WEE2: variants seen among roughly 807,000 people sequenced by gnomAD.
WEE2 encodes the protein wee1-like protein kinase 2.
Under a neutral mutation model 60.1 loss-of-function variants are expected in WEE2, and 50 were observed. The observed-to-expected ratio is 0.83, with a 90% CI of 0.66 to 1.05. The LOEUF (loss-of-function observed/expected upper bound fraction) is 1.05. Ranked by LOEUF, WEE2 falls within the 50% of genes least tolerant of loss-of-function variation. The probability of loss-of-function intolerance (pLI) is 0.00; values close to 1 mark genes in which losing one functional copy is unlikely to be tolerated. For missense variants in WEE2, 631 were observed against 684.3 expected (o/e 0.92, Z 0.87); for synonymous variants, 240 against 241.0 (o/e 1.00, Z 0.04).
intron 1 of WEE2, among the ~76,000 whole-genome samples, chr7:141,712,900 A>C (rs1798731766): frequency 6.6e-6 from 1 of 152,202 alleles, no homozygotes; most frequent in South Asian, 2.1e-4. Context: ...CACATTGATA[A>C]CTGAGAAATA....
chr7:141,713,169 T>G (rs754534798), intron 1 of WEE2, among the ~76,000 whole-genome samples: 1 of 152,224 alleles, frequency 6.6e-6, no homozygotes, highest in Non-Finnish European at 1.5e-5. Flanking sequence ...TTACAATAGA[T>G]CCAATATTCA....
At chr7:141,717,429 C>T (rs1798825634) in intron 3 of WEE2, among the ~76,000 whole-genome samples, 1 of 152,140 alleles carries the variant, frequency 6.6e-6, no homozygotes, top group African/African-American at 2.4e-5. Context: ...TTATTCCTCA[C>T]TTATTTTATA....
chr7:141,724,223 C>T lies in WEE2; in HGVS notation c.1169C>T (p.Pro390Leu), dbSNP rs778903115. 1 of 1,613,424 alleles carries T rather than the reference C, an allele frequency of 6.2e-7. No homozygotes were observed. The highest frequency in any genetic ancestry group is 8.5e-7 in the Non-Finnish European group (1 of 1,179,828). The change falls in exon 8 of 12, where the codon CCC (proline) becomes CTC (leucine). Residue 390 changes from proline to leucine, a missense_variant. Physicochemically the swap from Pro to Leu is moderately conservative, Grantham distance 98 (BLOSUM62 -3). Transcript: ENST00000397541. ...DLGHATSINK[P>L]KVEEGDSRFL... ...GGCCACGCAACATCAATAAACAAAC[C>T]CAAAGTGGAAGAAGGAGATAGTCGC...
chr7:141,729,567 G>C lies in WEE2; in HGVS notation c.1572G>C (p.Gln524His). Residue 524 changes from glutamine (Q) to histidine (H), a missense_variant, in exon 11 of 12, where the codon CAG becomes CAC. Transcript: ENST00000397541. ...LREAQQAQSP[Q>H]GYTHHGDTGV... ...AAGCCCAGCAGGCCCAGTCACCCCAGGGATATACCCATCATGGTGACACTG... is the reference window on the plus strand; with the variant it reads ...AAGCCCAGCAGGCCCAGTCACCCCACGGATATACCCATCATGGTGACACTG... 1 of 1,614,202 alleles carries C rather than the reference G, an allele frequency of 6.2e-7. No individual in the cohort carries two copies. Among genetic ancestry groups the C allele is most frequent in the East Asian group, 2.2e-5 (1 of 44,872 alleles).
At chr7:141,719,439 C>T (rs919316349) in intron 4 of WEE2, among the ~76,000 whole-genome samples, 195 bp downstream of exon 4, 2 of 152,124 alleles carry the variant, frequency 1.3e-5, no homozygotes, top group South Asian at 2.1e-4. Context: ...TAAAATACAA[C>T]ACGATCATTT....
rs1016084646 is a variant in WEE2, at chr7:141,717,798, G to A, written c.586-1274G>A. 3.3e-5 allele frequency among the ~76,000 whole-genome samples: 5 copies of A among 152,308 alleles called. No individual in the cohort carries two copies. The South Asian group carries it at 6.2e-4, about 19-fold the overall frequency. ...AATGCTATCAAGGCAGGAGAACAGA[G>A]TTCAGGTGTAAGAGGGGTATGGTGG... is the stretch of plus-strand genomic sequence containing the variant. On this transcript the variant is annotated intron_variant, in intron 3 of 11. Coordinates refer to ENST00000397541, the MANE Select transcript of WEE2 (RefSeq NM_001105558.1).
intron 7 of WEE2, 44 bp downstream of exon 7, chr7:141,724,092 A>G: frequency 6.3e-7 from 1 of 1,575,962 alleles, no homozygotes; most frequent in Non-Finnish European, 8.7e-7. Context: ...TATCCTATAA[A>G]ATTTATAGTG....
intron 9 of WEE2, among the ~76,000 whole-genome samples, chr7:141,726,430 A>G (rs1799019975): frequency 6.6e-6 from 1 of 152,096 alleles, no homozygotes; most frequent in Non-Finnish European, 1.5e-5. Context: ...CAGGTGTGGG[A>G]GATTAGTTTC....
At chr7:141,725,318 T>A in intron 9 of WEE2, 122 bp downstream of exon 9, 1 of 1,167,856 alleles carries the variant, frequency 8.6e-7, no homozygotes, top group Non-Finnish European at 1.2e-6. Context: ...GGAACGTGAC[T>A]AGAAGTCCAG....
chr7:141,727,701 G>T lies in WEE2; in HGVS notation c.1535+255G>T, dbSNP rs189500407. 7.2e-4 allele frequency: 306 copies of T among 426,598 alleles called. 2 individuals are homozygous for T. The highest frequency in any genetic ancestry group is 5.5e-3 in the African/African-American group (275 of 50,142). 26.4% of individuals were successfully genotyped at this position (426,598 alleles called of 1,614,324 possible). A position where few individuals can be genotyped will look rare whatever the true frequency, so the allele number is the denominator to read the frequency against. On this transcript the variant is annotated intron_variant, in intron 10 of 11. Transcript: ENST00000397541. ...AGGAAGCAAGAGTGAGGAATATAAG[G>T]AAATACCAGTAAAGAAAACTTAGGA... is the stretch of plus-strand genomic sequence containing the variant.
chr7:141,725,288 T>C lies in WEE2; in HGVS notation c.1392+92T>C, dbSNP rs1001492527. The C allele has an allele frequency of 2.0e-5, 27 of 1,383,128 alleles. No individual in the cohort carries two copies. The Admixed American group carries it at 3.4e-4, about 18-fold the overall frequency. 85.7% of individuals were successfully genotyped at this position (1,383,128 alleles called of 1,614,324 possible). A position where few individuals can be genotyped will look rare whatever the true frequency, so the allele number is the denominator to read the frequency against. On this transcript the variant is annotated intron_variant, in intron 9 of 11. Coordinates refer to ENST00000397541, the MANE Select transcript of WEE2 (RefSeq NM_001105558.1). ...GGGCAAAGAAAAATGGAGATGCTAG[T>C]AGTGTCACTAACAGAAAAAGGAACG...
intron 6 of WEE2, 153 bp from the exon 7 acceptor site, chr7:141,723,788 T>C: frequency 1.8e-6 from 1 of 568,916 alleles, no homozygotes; most frequent in Non-Finnish European, 3.1e-6. Flanking sequence ...TCAGAAGCGA[T>C]GTGAGATTTC....
intron 6 of WEE2, 131 bp from the exon 7 acceptor site, chr7:141,723,810 A>T: frequency 1.7e-6 from 1 of 603,398 alleles, no homozygotes; most frequent in Non-Finnish European, 2.8e-6. Flanking sequence ...TACAAAAAAA[A>T]AACCTTAGTA....
In WEE2 at chr7:141,708,956, C is replaced by A. The variant is rs369284093; in HGVS notation, c.198C>A (p.Leu66=). Residue 66 remains leucine, a synonymous_variant, in exon 1 of 12, where the codon CTC becomes CTA. Transcript: ENST00000397541. The part of the protein sequence containing the change: ...PWTPLSNVHE[L]DTSSEKDKES... ...CTCCCCTTAGCAACGTGCATGAGCT[C>A]GACACATCTTCGGAAAAAGACAAAG... is the stretch of plus-strand genomic sequence containing the variant. 6.2e-7 allele frequency: 1 copy of A among 1,614,058 alleles called. No individual in the cohort carries two copies. The highest frequency in any genetic ancestry group is 8.5e-7 in the Non-Finnish European group (1 of 1,180,000).
intron 2 of WEE2, among the ~76,000 whole-genome samples, 197 bp downstream of exon 2, chr7:141,714,602 A>G (rs1798766674): frequency 6.6e-6 from 1 of 152,138 alleles, no homozygotes; most frequent in African/African-American, 2.4e-5. Context: ...TTCCATTCTG[A>G]TATGTACTGT....
chr7:141,712,932 T>C (rs185583122), intron 1 of WEE2, among the ~76,000 whole-genome samples: 9 of 152,310 alleles, frequency 5.9e-5, no homozygotes, highest in Admixed American at 5.9e-4. Flanking sequence ...TCACTTATTT[T>C]GAACCAATCC....
chr7:141,723,832 C>A, intron 6 of WEE2, 109 bp from the exon 7 acceptor site: 2 of 732,792 alleles, frequency 2.7e-6, no homozygotes, highest in Non-Finnish European at 4.4e-6. Context: ...TCTATGTCCA[C>A]ACAAAAGAAG....
chr7:141,723,371 A>C, intron 6 of WEE2, 91 bp downstream of exon 6: 1 of 1,407,850 alleles, frequency 7.1e-7, no homozygotes, highest in Middle Eastern at 1.8e-4. Flanking sequence ...TCAAGTGTCA[A>C]GGACGGTGTT....
chr7:141,730,660 T>G lies in WEE2; in HGVS notation c.*340T>G. On this transcript the variant is annotated 3_prime_UTR_variant, in exon 12 of 12. Transcript: ENST00000397541. ...AACTTGGACATCTCTGAGCTGGTTG[T>G]TAACTTGCAGAACAAAAATGCTGTG... 5.0e-6 allele frequency: 1 copy of G among 200,974 alleles called. No homozygotes were observed. The highest frequency in any genetic ancestry group is 9.9e-6 in the Non-Finnish European group (1 of 100,642). The allele number at this position is 200,974 out of a possible 1,614,324, so 12.4% of individuals were successfully genotyped here.
Sources: allele counts gnomAD v4.1 joint callset (sites outside exome capture counted in the v4.1 genomes callset), GRCh38; gene constraint gnomAD v4.1.1; transcripts MANE v1.5; gene names NCBI Gene and HGNC (gene_info 2026-07-23, HGNC 2026-07-21).